PRH1: variants seen among roughly 807,000 people sequenced by gnomAD.
PRH1 encodes the protein salivary acidic proline-rich phosphoprotein 1/2.
Under a neutral mutation model 7.9 loss-of-function variants are expected in PRH1, and 7 were observed. The observed-to-expected ratio is 0.89, with a 90% CI of 0.50 to 1.67. PRH1 has a LOEUF of 1.67. Ranked by LOEUF, PRH1 falls within the 40% of genes most tolerant of loss-of-function variation. The pLI, the probability that PRH1 is intolerant of heterozygous loss-of-function variation, is 0.00. For synonymous variants in PRH1, 45 were observed against 80.8 expected (o/e 0.56, Z 2.38); for missense variants, 109 against 223.6 (o/e 0.49, Z 3.27).
chr12:11,156,350 T>C (rs1167405046), intron 1 of PRH1, among the ~76,000 whole-genome samples: 1 of 152,054 alleles, frequency 6.6e-6, no homozygotes, highest in Non-Finnish European at 1.5e-5. Flanking sequence ...TTTTCAGTTA[T>C]CTTGTCTGAG....
At chr12:11,150,070 T>C (rs1217008085) in intron 1 of PRH1, among the ~76,000 whole-genome samples, 1 of 148,266 alleles carries the variant, frequency 6.7e-6, no homozygotes, top group African/African-American at 2.5e-5. Context: ...CATGAAAAAA[T>C]GCTCATCATC....
intron 1 of PRH1, among the ~76,000 whole-genome samples, chr12:11,065,214 C>T (rs1427323860): frequency 1.3e-5 from 2 of 152,058 alleles, no homozygotes; most frequent in East Asian, 1.9e-4. Context: ...GACAGTTATT[C>T]CCTTTAACAT....
At chr12:11,168,724 T>C (rs1276832197) in intron 1 of PRH1, among the ~76,000 whole-genome samples, 6 of 152,148 alleles carry the variant, frequency 3.9e-5, no homozygotes, top group Non-Finnish European at 7.4e-5. Context: ...TCAAATCTGC[T>C]ATAAAAGCTG....
At chr12:11,019,355 T>G (rs80026319) in intron 1 of PRH1, among the ~76,000 whole-genome samples, 1 of 143,044 alleles carries the variant, frequency 7.0e-6, no homozygotes, top group Non-Finnish European at 1.6e-5. Context: ...TTACATCTTC[T>G]TTTGCCTCAG....
intron 1 of PRH1, among the ~76,000 whole-genome samples, chr12:11,008,644 C>T (rs991531657): frequency 6.6e-6 from 1 of 152,150 alleles, no homozygotes; most frequent in Non-Finnish European, 1.5e-5. Context: ...TGTTCTTATT[C>T]ATGGCTTCCT....
intron 1 of PRH1, among the ~76,000 whole-genome samples, chr12:11,156,053 C>T (rs1947237775): frequency 6.6e-6 from 1 of 152,118 alleles, no homozygotes; most frequent in South Asian, 2.1e-4. Flanking sequence ...CGCACATTTG[C>T]CATTGCCTTT....
chr12:11,022,487 G>C (rs1941706187), intron 1 of PRH1: 3 of 1,613,450 alleles, frequency 1.9e-6, no homozygotes, highest in Admixed American at 3.3e-5. Context: ...ACATTTACTA[G>C]GGCTATGAAG....
At chr12:10,922,097 G>T (rs193081162) in intron 2 of PRH1, among the ~76,000 whole-genome samples, 1 of 152,090 alleles carries the variant, frequency 6.6e-6, no homozygotes, top group Admixed American at 6.6e-5. Flanking sequence ...AAAACCAAAG[G>T]GAATGAGACT....
At chr12:11,053,257 G>T (rs1212038653) in intron 1 of PRH1, among the ~76,000 whole-genome samples, 1 of 152,116 alleles carries the variant, frequency 6.6e-6, no homozygotes, top group Non-Finnish European at 1.5e-5. Flanking sequence ...TGTTGAAAAG[G>T]TGCTCTGTGC....
chr12:11,148,773 T>G (rs1946958114), intron 1 of PRH1, among the ~76,000 whole-genome samples: 1 of 118,090 alleles, frequency 8.5e-6, no homozygotes, highest in African/African-American at 2.9e-5. Context: ...TCTGCCCAGC[T>G]TTGGTATCAG....
downstream of PRH1, among the ~76,000 whole-genome samples, chr12:11,117,974 A>C (rs928476098): frequency 6.6e-6 from 1 of 152,234 alleles, no homozygotes; most frequent in Non-Finnish European, 1.5e-5. Flanking sequence ...AGAAAACATC[A>C]GAGAAACTCC....
intron 1 of PRH1, among the ~76,000 whole-genome samples, chr12:11,071,245 T>G (rs73045561): frequency 2.0e-5 from 3 of 149,200 alleles, no homozygotes; most frequent in Admixed American, 2.0e-4. Flanking sequence ...AGGAATTACC[T>G]AAGGACTTTC....
intron 1 of PRH1, among the ~76,000 whole-genome samples, chr12:10,983,192 G>C (rs892777466): frequency 1.1e-4 from 17 of 152,194 alleles, no homozygotes; most frequent in African/African-American, 4.1e-4. Flanking sequence ...CGAATTAGTG[G>C]AAGACTATTC....
At chr12:10,998,678 T>A (rs898729865) in intron 1 of PRH1, among the ~76,000 whole-genome samples, 3 of 152,104 alleles carry the variant, frequency 2.0e-5, no homozygotes, top group African/African-American at 7.2e-5. Context: ...AGCCAATGAA[T>A]AATATTCATG....
chr12:11,056,325 T>C (rs1469615488), intron 1 of PRH1, among the ~76,000 whole-genome samples: 1 of 152,294 alleles, frequency 6.6e-6, no homozygotes, highest in East Asian at 1.9e-4. Context: ...TAATTCATTT[T>C]TGATTACTTA....
chr12:10,926,504 A>G (rs929035480), intron 2 of PRH1, among the ~76,000 whole-genome samples: 1 of 152,172 alleles, frequency 6.6e-6, no homozygotes, highest in African/African-American at 2.4e-5. Context: ...AGAAGGAAAA[A>G]CAAGGGGTTT....
intron 1 of PRH1, among the ~76,000 whole-genome samples, chr12:11,142,807 G>T (rs1946739725): frequency 6.6e-6 from 1 of 152,150 alleles, no homozygotes; most frequent in African/African-American, 2.4e-5. Flanking sequence ...CATATTAGAA[G>T]TGCTGAAGGA....
At chr12:11,136,224 T>C (rs1946549329) in intron 1 of PRH1, among the ~76,000 whole-genome samples, 1 of 152,246 alleles carries the variant, frequency 6.6e-6, no homozygotes, top group African/African-American at 2.4e-5. Flanking sequence ...GAACTCTGTG[T>C]AGGTGCATTC....
At chr12:11,035,899 TTTG>T (rs1942415187) in intron 1 of PRH1, among the ~76,000 whole-genome samples, 1 of 152,036 alleles carries the variant, frequency 6.6e-6, no homozygotes, top group Non-Finnish European at 1.5e-5. Flanking sequence ...TTTGCTTTGT[TTTG>T]TTTTGTTTTT....
Sources: allele counts gnomAD v4.1 joint callset (sites outside exome capture counted in the v4.1 genomes callset), GRCh38; gene constraint gnomAD v4.1.1; transcripts MANE v1.5; gene names NCBI Gene and HGNC (gene_info 2026-07-23, HGNC 2026-07-21).